NCOA2: variants seen among roughly 807,000 people sequenced by gnomAD.
NCOA2 encodes the protein nuclear receptor coactivator 2, also known as class E basic helix-loop-helix protein 75.
NCOA2 carries 21 observed loss-of-function variants against 145.1 expected under a neutral mutation model. That is an observed-to-expected ratio of 0.14 (90% CI 0.10 to 0.21). The LOEUF is 0.21. Ranked by LOEUF, NCOA2 falls within the 10% of genes least tolerant of loss-of-function variation. NCOA2 has a pLI of 1.00. For synonymous variants in NCOA2, 619 were observed against 637.5 expected, an observed-to-expected ratio of 0.97 and a Z score of 0.44; for missense variants, 1,472 against 1,837.6, an observed-to-expected ratio of 0.80 and a Z score of 3.64.
the NCOA2 span, among the ~76,000 whole-genome samples, chr8:70,436,875 A>G: frequency 1.3e-5 from 2 of 152,236 alleles, no homozygotes; most frequent in Non-Finnish European, 2.9e-5. Flanking sequence ...GAGGAGGGGA[A>G]CAACACATTT....
chr8:70,216,858 C>A (rs553915380), intron 2 of NCOA2, 94 bp from the exon 3 acceptor site: 1 of 783,980 alleles, frequency 1.3e-6, no homozygotes, highest in South Asian at 1.6e-5. Flanking sequence ...AATTTTGACT[C>A]CAATCAGAAA....
chr8:70,255,105 T>C (rs961212429), intron 2 of NCOA2, among the ~76,000 whole-genome samples: 2 of 152,148 alleles, frequency 1.3e-5, no homozygotes, highest in African/African-American at 4.8e-5. Flanking sequence ...CTCTGACCCA[T>C]AAGGAGAGAA....
intron 2 of NCOA2, among the ~76,000 whole-genome samples, chr8:70,231,044 C>T (rs1427271500): frequency 1.3e-5 from 2 of 152,000 alleles, no homozygotes; most frequent in Non-Finnish European, 2.9e-5. Flanking sequence ...TGTCTTGATC[C>T]ACATTTCTGA....
Position 70,329,853 on chromosome 8 carries a change from T to C in NCOA2, c.-76-33053A>G, listed in dbSNP as rs936688466. Among the ~76,000 whole-genome samples the C allele has an allele frequency of 3.3e-5, 5 of 152,112 alleles. No individual in the cohort carries two copies. The South Asian group carries it at 6.2e-4, about 19-fold the overall frequency. ...CTTATATGATTCAACTTTTATAAAG[T>C]TCAAGAACAGGTAAAACTAATTACA... On this transcript the variant is annotated intron_variant, in intron 1 of 22. Transcript: ENST00000452400.
At chr8:70,233,667 C>A (rs1264049549) in intron 2 of NCOA2, among the ~76,000 whole-genome samples, 1 of 152,174 alleles carries the variant, frequency 6.6e-6, no homozygotes, top group Non-Finnish European at 1.5e-5. Context: ...AAATCACACC[C>A]CTTCCGTGGT....
the NCOA2 span, among the ~76,000 whole-genome samples, chr8:70,456,374 T>C: frequency 6.6e-6 from 1 of 152,172 alleles, no homozygotes; most frequent in Non-Finnish European, 1.5e-5. Context: ...TTGAGATAGA[T>C]GTTATTGGGG....
At chr8:70,285,142 T>C (rs1334551590) in intron 2 of NCOA2, among the ~76,000 whole-genome samples, 4 of 152,232 alleles carry the variant, frequency 2.6e-5, no homozygotes, top group Non-Finnish European at 5.9e-5. Flanking sequence ...GCCTCATGCT[T>C]AACCATGTTT....
chr8:70,306,086 C>T (rs1437610949), intron 1 of NCOA2, among the ~76,000 whole-genome samples: 2 of 152,094 alleles, frequency 1.3e-5, no homozygotes, highest in African/African-American at 4.8e-5. Context: ...TTTCATTTTA[C>T]TAGGTGCCTA....
At chr8:70,287,381 C>G (rs540846500) in intron 2 of NCOA2, among the ~76,000 whole-genome samples, 2 of 152,114 alleles carry the variant, frequency 1.3e-5, no homozygotes, top group East Asian at 3.9e-4. Context: ...AGAATGTACT[C>G]TTTTCTAAAT....
chr8:70,236,318 A>G (rs1192974941), intron 2 of NCOA2, among the ~76,000 whole-genome samples: 1 of 152,156 alleles, frequency 6.6e-6, no homozygotes, highest in African/African-American at 2.4e-5. Flanking sequence ...CTCCAAGACG[A>G]AGTCTGTGCT....
intron 2 of NCOA2, among the ~76,000 whole-genome samples, chr8:70,268,115 T>C (rs959551254): frequency 3.9e-5 from 6 of 152,222 alleles, no homozygotes; most frequent in Admixed American, 6.5e-5. Flanking sequence ...AAATCAACTT[T>C]AGATTGACTA....
chr8:70,426,555 T>C, the NCOA2 span, among the ~76,000 whole-genome samples: 1 of 152,250 alleles, frequency 6.6e-6, no homozygotes, highest in Non-Finnish European at 1.5e-5. Flanking sequence ...AACTCTTTGA[T>C]ACCTGGCATG....
At chr8:70,445,096 G>C in the NCOA2 span, among the ~76,000 whole-genome samples, 2 of 152,110 alleles carry the variant, frequency 1.3e-5, no homozygotes, top group Non-Finnish European at 2.9e-5. Flanking sequence ...TCTGCCAACT[G>C]TTTTACCACA....
chr8:70,436,375 C>T, the NCOA2 span, among the ~76,000 whole-genome samples: 1 of 152,142 alleles, frequency 6.6e-6, no homozygotes, highest in East Asian at 1.9e-4. Flanking sequence ...TGAGCACCTG[C>T]CCTTGGAGGT....
intron 22 of NCOA2, among the ~76,000 whole-genome samples, chr8:70,120,938 C>G (rs191351463): frequency 2.9e-3 from 443 of 152,112 alleles, no homozygotes; most frequent in Non-Finnish European, 5.8e-3. Context: ...TCAGAAATAG[C>G]AAAAATAAAA....
the NCOA2 span, among the ~76,000 whole-genome samples, chr8:70,444,511 G>A: frequency 6.6e-6 from 1 of 152,124 alleles, no homozygotes; most frequent in African/African-American, 2.4e-5. Context: ...ATACATATAT[G>A]TAAATGAGTG....
At chr8:70,402,767 T>A (rs543603774) in intron 1 of NCOA2, among the ~76,000 whole-genome samples, 1 of 151,286 alleles carries the variant, frequency 6.6e-6, no homozygotes, top group Non-Finnish European at 1.5e-5. Context: ...AACCTCCCGG[T>A]CCGCCTCCCG....
chr8:70,392,972 C>G (rs1240795566), intron 1 of NCOA2, among the ~76,000 whole-genome samples: 1 of 152,094 alleles, frequency 6.6e-6, no homozygotes, highest in East Asian at 1.9e-4. Flanking sequence ...CCCAGGGATA[C>G]CTGAACCTCA....
At chr8:70,125,198 AAT>A (rs756328634) in intron 19 of NCOA2, among the ~76,000 whole-genome samples, 3 of 148,548 alleles carry the variant, frequency 2.0e-5, no homozygotes, top group South Asian at 2.1e-4. Context: ...ATCAACAAGA[AAT>A]ATATATATAT....
Sources: gnomAD v4.1 joint callset for allele counts (sites outside exome capture counted in the v4.1 genomes callset) on GRCh38, gnomAD v4.1.1 for gene constraint, MANE v1.5 for transcripts, NCBI Gene and HGNC (gene_info 2026-07-23, HGNC 2026-07-21) for gene names.